SCUBE1: variants seen among roughly 807,000 people sequenced by gnomAD.
SCUBE1 encodes signal peptide, CUB and EGF-like domain-containing protein 1.
A neutral mutation model predicts 124.4 loss-of-function variants in SCUBE1; 59 were observed. That is an observed-to-expected ratio of 0.47 (90% confidence interval 0.38 to 0.59). The LOEUF (loss-of-function observed/expected upper bound fraction) is 0.59, where lower values mean the gene tolerates loss of function less well. Among genes scored for constraint, SCUBE1 ranks in the 20% least tolerant of loss-of-function variants. SCUBE1 has a pLI of 0.00. For synonymous variants in SCUBE1, 545 were observed against 550.9 expected, an observed-to-expected ratio of 0.99 and a Z score of 0.15; for missense variants, 1,150 against 1,371.2, an observed-to-expected ratio of 0.84 and a Z score of 2.55.
At chr22:43,283,741 T>C (rs1338626832) in intron 4 of SCUBE1, 3 of 152,196 alleles carry the variant, frequency 2.0e-5, no homozygotes, top group African/African-American at 4.8e-5. Flanking sequence ...TTGGGGGAAA[T>C]TGGGTAAAGG....
chr22:43,240,655 C>T (rs1169809423), intron 6 of SCUBE1, among the ~76,000 whole-genome samples: 3 of 152,236 alleles, frequency 2.0e-5, no homozygotes, highest in African/African-American at 7.2e-5. Context: ...GACGAGCCTT[C>T]TCTTCCAGGG....
chr22:43,334,624 CCAT>C (rs1207313574), intron 2 of SCUBE1, among the ~76,000 whole-genome samples: 1 of 144,590 alleles, frequency 6.9e-6, no homozygotes, highest in African/African-American at 2.5e-5. Context: ...ATCATCACCA[CCAT>C]CAACATTATC....
chr22:43,317,188 C>G (rs1305154104), intron 3 of SCUBE1: 1 of 152,174 alleles, frequency 6.6e-6, no homozygotes, highest in Non-Finnish European at 1.5e-5. Context: ...TGGTAAAAAA[C>G]AAAAAAGCAA....
intron 4 of SCUBE1, among the ~76,000 whole-genome samples, chr22:43,273,412 C>A (rs1319270844): frequency 6.6e-6 from 1 of 152,118 alleles, no homozygotes; most frequent in Non-Finnish European, 1.5e-5. Flanking sequence ...ATTTGCAGAG[C>A]CACAGAAAGC....
At chr22:43,341,267 G>C (rs564711731) in intron 1 of SCUBE1, among the ~76,000 whole-genome samples, 8 of 152,314 alleles carry the variant, frequency 5.3e-5, no homozygotes, top group African/African-American at 1.9e-4. Context: ...TGGATGGCTG[G>C]GCCAGCAGGA....
intron 4 of SCUBE1, among the ~76,000 whole-genome samples, chr22:43,281,542 A>ACCCTCCTGTCACCTCCCTCCTCAGCCC (rs1924895993): frequency 2.2e-5 from 1 of 46,218 alleles, no homozygotes; most frequent in East Asian, 1.3e-3. Flanking sequence ...TCCCTCAGTC[A>ACCCTCCTGTCACCTCCCTCCTCAGCCC]CCCTCCTGTC....
chr22:43,236,452 G>C (rs2146683568), intron 7 of SCUBE1, among the ~76,000 whole-genome samples: 2 of 152,312 alleles, frequency 1.3e-5, no homozygotes, highest in South Asian at 4.1e-4. Flanking sequence ...CCTGGCTGTT[G>C]GTCTTCCAGA....
intron 4 of SCUBE1, among the ~76,000 whole-genome samples, chr22:43,281,506 T>TCCTCAGCCACCCTCCTGTCACCTC (rs1924875457): frequency 1.1e-4 from 5 of 46,172 alleles, no homozygotes; most frequent in Admixed American, 4.9e-4. Context: ...TCCTGTCACC[T>TCCTCAGCCACCCTCCTGTCACCTC]CCTCCTCAGC....
At chr22:43,247,224 G>C (rs1043807364) in intron 6 of SCUBE1, among the ~76,000 whole-genome samples, 1 of 152,174 alleles carries the variant, frequency 6.6e-6, no homozygotes, top group African/African-American at 2.4e-5. Context: ...CCACACACAG[G>C]GCCAGGTGCA....
intron 3 of SCUBE1, among the ~76,000 whole-genome samples, chr22:43,305,140 A>G (rs931221762): frequency 6.6e-6 from 1 of 151,990 alleles, no homozygotes; most frequent in African/African-American, 2.4e-5. Context: ...TCCTGCCGGA[A>G]TACGGAGGAG....
At chr22:43,240,820 T>C (rs1232213944) in intron 6 of SCUBE1, among the ~76,000 whole-genome samples, 1 of 152,070 alleles carries the variant, frequency 6.6e-6, no homozygotes, top group Non-Finnish European at 1.5e-5. Flanking sequence ...CAGGAGCCAA[T>C]GTGCTCCCCT....
chr22:43,284,216 C>T (rs371025000), intron 4 of SCUBE1, among the ~76,000 whole-genome samples: 1 of 152,238 alleles, frequency 6.6e-6, no homozygotes, highest in East Asian at 1.9e-4. Flanking sequence ...TGGGGATAAA[C>T]ATTAGCAACC....
chr22:43,329,641 C>G (rs1379879623), intron 2 of SCUBE1, among the ~76,000 whole-genome samples: 2 of 152,204 alleles, frequency 1.3e-5, no homozygotes, highest in Non-Finnish European at 2.9e-5. Context: ...TGCTGTTAAC[C>G]TAGGCCAGGC....
chr22:43,338,258 G>A (rs1442182662), intron 2 of SCUBE1, among the ~76,000 whole-genome samples: 2 of 152,230 alleles, frequency 1.3e-5, no homozygotes, highest in African/African-American at 2.4e-5. Flanking sequence ...CTTTTAGCCT[G>A]CTGGGGAGGC....
At chr22:43,272,069 C>A (rs542913147) in intron 4 of SCUBE1, among the ~76,000 whole-genome samples, 1 of 152,200 alleles carries the variant, frequency 6.6e-6, no homozygotes, top group African/African-American at 2.4e-5. Context: ...TCACCTCACA[C>A]CTCATCAGCC....
intron 21 of SCUBE1, 140 bp from the exon 22 acceptor site, chr22:43,204,289 G>T: frequency 1.5e-6 from 1 of 665,860 alleles, no homozygotes. Context: ...GGTTTTAATA[G>T]TATAACTGGT....
intron 3 of SCUBE1, among the ~76,000 whole-genome samples, chr22:43,308,904 C>T (rs757092796): frequency 1.3e-5 from 2 of 152,238 alleles, no homozygotes; most frequent in Non-Finnish European, 2.9e-5. Flanking sequence ...GATGATGTGT[C>T]CCAAGTTACA....
At chr22:43,227,736 G>A (rs1239093526) in intron 9 of SCUBE1, among the ~76,000 whole-genome samples, 1 of 152,194 alleles carries the variant, frequency 6.6e-6, no homozygotes, top group East Asian at 1.9e-4. Flanking sequence ...AACTCAAGCA[G>A]CTGCACCCCA....
intron 4 of SCUBE1, among the ~76,000 whole-genome samples, chr22:43,288,123 C>T (rs1925217065): frequency 6.6e-6 from 1 of 152,224 alleles, no homozygotes; most frequent in Non-Finnish European, 1.5e-5. Flanking sequence ...ACACAAAAAT[C>T]GTAAGGAGAG....
Sources: gnomAD v4.1 joint callset for allele counts (sites outside exome capture counted in the v4.1 genomes callset) on GRCh38, gnomAD v4.1.1 for gene constraint, MANE v1.5 for transcripts, NCBI Gene and HGNC (gene_info 2026-07-23, HGNC 2026-07-21) for gene names.